TRPC4: variants seen among roughly 807,000 people sequenced by gnomAD.
TRPC4 encodes the protein transient receptor potential cation channel subfamily C member 4.
Under a neutral mutation model 99.4 loss-of-function variants are expected in TRPC4, and 49 were observed. That is an observed-to-expected ratio of 0.49 (90% confidence interval 0.39 to 0.63). The LOEUF (loss-of-function observed/expected upper bound fraction) is 0.63. Ranked by LOEUF, TRPC4 falls within the 20% of genes least tolerant of loss-of-function variation. TRPC4 has a pLI of 0.00. For synonymous variants in TRPC4, 454 were observed against 425.9 expected (o/e 1.07, Z -0.81); for missense variants, 898 against 1,152.9 (o/e 0.78, Z 3.20).
At chr13:37,801,169 G>C (rs1397259260) in intron 1 of TRPC4, among the ~76,000 whole-genome samples, 1 of 152,028 alleles carries the variant, frequency 6.6e-6, no homozygotes, top group Non-Finnish European at 1.5e-5. Context: ...TGTTACTGTG[G>C]AATGTAACAT....
chr13:37,704,004 A>G (rs1264991897), intron 3 of TRPC4, among the ~76,000 whole-genome samples: 6 of 152,232 alleles, frequency 3.9e-5, no homozygotes, highest in Non-Finnish European at 7.3e-5. Flanking sequence ...TGGTATATTC[A>G]TATAATGGAA....
In TRPC4 at chr13:37,632,492, A is replaced by T. The variant is rs1224478345; in HGVS notation, c.*4411T>A. 6.6e-6 allele frequency among the ~76,000 whole-genome samples: 1 copy of T among 152,208 alleles called. No individual in the cohort carries two copies. The highest frequency in any genetic ancestry group is 1.5e-5 in the Non-Finnish European group (1 of 68,042). ...ACAAGTGATTAATAGCCGTATGAGT[A>T]TAGGAGCTACGTTACTGAACAGTGC... On this transcript the variant is annotated 3_prime_UTR_variant, in exon 11 of 11. Coordinates refer to ENST00000379705, the MANE Select transcript of TRPC4 (RefSeq NM_016179.4).
chr13:37,777,342 C>A (rs908450982), intron 2 of TRPC4, among the ~76,000 whole-genome samples: 1 of 151,948 alleles, frequency 6.6e-6, no homozygotes, highest in East Asian at 2.0e-4. Context: ...GGGAAGCAAG[C>A]ATGTCTTCAC....
intron 1 of TRPC4, among the ~76,000 whole-genome samples, chr13:37,795,200 T>TA (rs5802903): frequency 0.57 from 86,934 of 151,620 alleles, 25,254 homozygotes; most frequent in Admixed American, 0.69. Context: ...TGTTATAAAA[T>TA]AATTCATCAA....
At chr13:37,776,148 T>C (rs1017525540) in intron 2 of TRPC4, among the ~76,000 whole-genome samples, 5 of 151,850 alleles carry the variant, frequency 3.3e-5, no homozygotes, top group Admixed American at 3.3e-4. Context: ...ACACAATCTA[T>C]GCTCTATTCT....
chr13:37,727,367 A>G (rs979569326), intron 3 of TRPC4, among the ~76,000 whole-genome samples: 1 of 152,002 alleles, frequency 6.6e-6, no homozygotes, highest in African/African-American at 2.4e-5. Flanking sequence ...ATTAGAAAAT[A>G]AATATTAATG....
intron 3 of TRPC4, among the ~76,000 whole-genome samples, chr13:37,742,142 A>G (rs1223180030): frequency 2.0e-5 from 3 of 152,146 alleles, no homozygotes; most frequent in Non-Finnish European, 2.9e-5. Flanking sequence ...TCTTTCTATG[A>G]TGCTGCTGCT....
chr13:37,767,899 C>T (rs1033973954), intron 2 of TRPC4, among the ~76,000 whole-genome samples: 1 of 151,260 alleles, frequency 6.6e-6, no homozygotes. Context: ...GTAATTTATG[C>T]CTAATGAATA....
intron 1 of TRPC4, among the ~76,000 whole-genome samples, chr13:37,811,435 A>G (rs1957682139): frequency 6.6e-6 from 1 of 152,114 alleles, no homozygotes; most frequent in Non-Finnish European, 1.5e-5. Context: ...GCCTTGAGAG[A>G]GTTTGCAGGT....
intron 1 of TRPC4, among the ~76,000 whole-genome samples, chr13:37,846,224 A>G (rs1958894805): frequency 1.3e-5 from 2 of 152,194 alleles, no homozygotes; most frequent in African/African-American, 4.8e-5. Context: ...AATAATTAAA[A>G]TAACATTTTA....
chr13:37,740,819 C>T (rs1455473668), intron 3 of TRPC4, among the ~76,000 whole-genome samples: 1 of 152,142 alleles, frequency 6.6e-6, no homozygotes, highest in East Asian at 1.9e-4. Flanking sequence ...GTTTACCATG[C>T]CATGGATAGT....
At chr13:37,734,084 G>A (rs978443408) in intron 3 of TRPC4, among the ~76,000 whole-genome samples, 2 of 152,110 alleles carry the variant, frequency 1.3e-5, no homozygotes, top group Admixed American at 6.6e-5. Flanking sequence ...GTCACTGAAT[G>A]TGCCTCCATG....
intron 3 of TRPC4, among the ~76,000 whole-genome samples, chr13:37,743,295 C>G (rs1489274031): frequency 6.6e-6 from 1 of 151,996 alleles, no homozygotes; most frequent in African/African-American, 2.4e-5. Flanking sequence ...CTTTATCACC[C>G]TTCCATAACT....
chr13:37,704,379 C>T (rs971571712), intron 3 of TRPC4, among the ~76,000 whole-genome samples: 6 of 152,060 alleles, frequency 3.9e-5, no homozygotes, highest in Admixed American at 6.6e-5. Context: ...AATTTTCCTT[C>T]AATAAAGTTG....
chr13:37,706,789 T>C (rs1016512417), intron 3 of TRPC4, among the ~76,000 whole-genome samples: 3 of 152,090 alleles, frequency 2.0e-5, no homozygotes, highest in Admixed American at 6.6e-5. Context: ...AAAGTACATC[T>C]TTACAAGGAG....
chr13:37,681,316 C>A (rs1281794383), intron 4 of TRPC4, among the ~76,000 whole-genome samples: 1 of 152,122 alleles, frequency 6.6e-6, no homozygotes, highest in Non-Finnish European at 1.5e-5. Context: ...TCACTTCTGA[C>A]CTTTGAAAGG....
chr13:37,819,948 G>C (rs1421964970), intron 1 of TRPC4, among the ~76,000 whole-genome samples: 1 of 151,386 alleles, frequency 6.6e-6, no homozygotes, highest in African/African-American at 2.4e-5. Context: ...ACCAAAATCA[G>C]AGATGAACCA....
At chr13:37,698,885 A>G (rs1954011095) in intron 3 of TRPC4, among the ~76,000 whole-genome samples, 2 of 152,154 alleles carry the variant, frequency 1.3e-5, no homozygotes, top group South Asian at 2.1e-4. Flanking sequence ...GATCCTGGAT[A>G]AAAAAGGAAG....
Position 37,651,293 on chromosome 13 carries a change from C to A in TRPC4, c.2051G>T (p.Arg684Ile). 1.2e-6 allele frequency: 2 copies of A among 1,614,072 alleles called. No homozygotes were observed. Among genetic ancestry groups the A allele is most frequent in the Non-Finnish European group, 1.7e-6 (2 of 1,179,954 alleles). Residue 684 changes from arginine (R) to isoleucine (I), a missense_variant, in exon 8 of 11, where the codon AGA becomes ATA. By Grantham distance (97) the Arg-to-Ile change is moderately conservative. This residue lies in a region of TRPC4 where 346 missense variants were observed against 351.4 expected (regional missense o/e 0.98). Coordinates refer to ENST00000379705, the MANE Select transcript of TRPC4 (RefSeq NM_016179.4). ...WTHLCKKKMRRKPESFGTIGR... is the reference protein window; with the variant it reads ...WTHLCKKKMRIKPESFGTIGR... Reference sequence around the variant, plus strand: ...TATTGTTCCAAAACTTTCTGGCTTTCTTCTCATCTTTTTCTTGCACAAGTG... The same window carrying A: ...TATTGTTCCAAAACTTTCTGGCTTTATTCTCATCTTTTTCTTGCACAAGTG...
Sources: gnomAD v4.1 joint callset for allele counts (sites outside exome capture counted in the v4.1 genomes callset) on GRCh38, gnomAD v4.1.1 for gene constraint, gnomAD v4.1.1 regional missense constraint, MANE v1.5 for transcripts, NCBI Gene and HGNC (gene_info 2026-07-23, HGNC 2026-07-21) for gene names.